Variants in RALGAPA2 observed in about 807,000 individuals in gnomAD.
RALGAPA2 encodes the protein ral GTPase-activating protein subunit alpha-2.
RALGAPA2 carries 139 observed loss-of-function variants against 230.4 expected under a neutral mutation model. The ratio of observed to expected loss-of-function variants is 0.60; its 90% CI spans 0.53 to 0.69. The LOEUF (loss-of-function observed/expected upper bound fraction) is 0.69. Ranked by LOEUF, RALGAPA2 falls within the 30% of genes least tolerant of loss-of-function variation. The pLI, the probability that RALGAPA2 is intolerant of heterozygous loss-of-function variation, is 0.00. For synonymous variants in RALGAPA2, 847 were observed against 837.8 expected, an observed-to-expected ratio of 1.01 and a Z score of -0.19; for missense variants, 2,163 against 2,276.0, an observed-to-expected ratio of 0.95 and a Z score of 1.01.
At chr20:20,465,325 G>C (rs1001114049) in intron 37 of RALGAPA2, among the ~76,000 whole-genome samples, 8 of 152,194 alleles carry the variant, frequency 5.3e-5, no homozygotes, top group African/African-American at 1.7e-4. Flanking sequence ...GAGTGAGTCA[G>C]AGCAGAGACG....
rs2068313099 is a variant in RALGAPA2 at position 20,676,105 on chromosome 20, G to A, written c.270+131C>T. 8 of 598,472 alleles carry A rather than the reference G, an allele frequency of 1.3e-5. 1 individual carries two copies. In the South Asian group the frequency reaches 2.2e-4, roughly 17 times the overall value. The allele number at this position is 598,472 out of a possible 1,614,324, so 37.1% of individuals were successfully genotyped here. ...AGTTTGTAAAAGTGGGAGGGTGGGA[G>A]GAAGGAAGGAAAGAAAAAAATATAT... On this transcript the variant is annotated intron_variant, in intron 3 of 39. Coordinates refer to ENST00000202677, the MANE Select transcript of RALGAPA2 (RefSeq NM_020343.4).
At chr20:20,516,425 C>T (rs550116141) in intron 31 of RALGAPA2, among the ~76,000 whole-genome samples, 1 of 152,246 alleles carries the variant, frequency 6.6e-6, no homozygotes, top group African/African-American at 2.4e-5. Flanking sequence ...CTAGCTGATG[C>T]AGCCCACTAC....
intron 38 of RALGAPA2, among the ~76,000 whole-genome samples, chr20:20,402,224 G>A (rs916722584): frequency 2.6e-5 from 4 of 152,222 alleles, no homozygotes; most frequent in African/African-American, 4.8e-5. Context: ...CCCATGGGAG[G>A]GGGGACTCTG....
intron 3 of RALGAPA2, among the ~76,000 whole-genome samples, chr20:20,669,135 C>T (rs562445901): frequency 2.6e-5 from 4 of 152,294 alleles, no homozygotes; most frequent in South Asian, 2.1e-4. Flanking sequence ...AACATGTTTA[C>T]GTTTTGAAAT....
At chr20:20,614,770 G>A (rs528605590) in intron 13 of RALGAPA2, among the ~76,000 whole-genome samples, 10 of 152,226 alleles carry the variant, frequency 6.6e-5, no homozygotes, top group East Asian at 3.9e-4. Flanking sequence ...GACCTGCCTC[G>A]TGTCCATGGT....
rs60906434 is a variant in RALGAPA2 at position 20,653,195 on chromosome 20, C to CAAAAAAAAAAA, written c.328+324_328+334dup. ...TAGGCGACAGAGCAAGACTCCATCTCAAAAAAAAAAAAAAAAAAAAAAAAA... is the reference window on the plus strand; with the variant it reads ...TAGGCGACAGAGCAAGACTCCATCTCAAAAAAAAAAAAAAAAAAAAAAAAAAAAAAAAAAAA... On this transcript the variant is annotated intron_variant, in intron 4 of 39. Coordinates refer to ENST00000202677, the MANE Select transcript of RALGAPA2 (RefSeq NM_020343.4). 7.3e-4 allele frequency among the ~76,000 whole-genome samples: 20 copies of CAAAAAAAAAAA among 27,528 alleles called. 1 individual carries two copies. Among genetic ancestry groups the CAAAAAAAAAAA allele is most frequent in the East Asian group, 3.9e-3 (3 of 760 alleles). 18.1% of individuals were successfully genotyped at this position (27,528 alleles called of 152,430 possible). A position where few individuals can be genotyped will look rare whatever the true frequency, so the allele number is the denominator to read the frequency against.
intron 37 of RALGAPA2, among the ~76,000 whole-genome samples, chr20:20,469,586 C>T (rs898231336): frequency 1.3e-5 from 2 of 152,260 alleles, no homozygotes; most frequent in East Asian, 1.9e-4. Context: ...TTGAAGTGGA[C>T]GTTTATTTTA....
At chr20:20,568,987 T>G (rs6132317) in intron 23 of RALGAPA2, among the ~76,000 whole-genome samples, 1 of 152,188 alleles carries the variant, frequency 6.6e-6, no homozygotes, top group Non-Finnish European at 1.5e-5. Flanking sequence ...TCTCACAAAA[T>G]AGAAAGAAGC....
intron 26 of RALGAPA2, among the ~76,000 whole-genome samples, chr20:20,532,912 G>A (rs569897365): frequency 4.6e-5 from 7 of 152,148 alleles, no homozygotes; most frequent in African/African-American, 1.7e-4. Flanking sequence ...AAAGAGTAAC[G>A]AGAGACTAGC....
intron 37 of RALGAPA2, among the ~76,000 whole-genome samples, chr20:20,461,832 G>A (rs890567859): frequency 5.3e-5 from 8 of 152,164 alleles, no homozygotes; most frequent in South Asian, 2.1e-4. Context: ...CCTCAAAGCC[G>A]GGATGCACTG....
chr20:20,538,786 A>G (rs1348450484), intron 24 of RALGAPA2, among the ~76,000 whole-genome samples: 1 of 152,082 alleles, frequency 6.6e-6, no homozygotes, highest in Non-Finnish European at 1.5e-5. Flanking sequence ...GAGAGAGAGA[A>G]GTGATGACAG....
In RALGAPA2 at chr20:20,606,655, T is replaced by C. The variant is rs150191151; in HGVS notation, c.1801-1243A>G. On this transcript the variant is annotated intron_variant, in intron 14 of 39. Transcript: ENST00000202677. ...ATCTCCCCACCACCACCTCCCAGCC[T>C]CCAGGAAGTGTCCTCCAGGTCCCTG... Among the ~76,000 whole-genome samples, 1,086 of 152,130 alleles carry C rather than the reference T, an allele frequency of 7.1e-3. 9 individuals are homozygous for C. The highest frequency in any genetic ancestry group is 0.025 in the African/African-American group (1,042 of 41,498).
At chr20:20,659,821 C>A in intron 3 of RALGAPA2, 1 of 798,288 alleles carries the variant, frequency 1.3e-6, no homozygotes, top group South Asian at 1.3e-5. Flanking sequence ...AGACAAGAAT[C>A]AGAGCAGCAG....
At position 20,557,502 on chromosome 20, in the gene RALGAPA2, G is replaced by A. The variant is rs540017849; in HGVS notation, c.3157-10670C>T. On this transcript the variant is annotated intron_variant, in intron 23 of 39. Coordinates refer to ENST00000202677, the MANE Select transcript of RALGAPA2 (RefSeq NM_020343.4). ...ATCTACTAGAAATATATTCTTCTTA[G>A]AATATTAAAAAGAAACACTTGAGTG... is the stretch of plus-strand genomic sequence containing the variant. 5.3e-5 allele frequency among the ~76,000 whole-genome samples: 8 copies of A among 152,196 alleles called. No individual in the cohort carries two copies. The South Asian group carries it at 1.7e-3, about 32-fold the overall frequency.
At chr20:20,463,443 G>C (rs2061347345) in intron 37 of RALGAPA2, among the ~76,000 whole-genome samples, 1 of 152,052 alleles carries the variant, frequency 6.6e-6, no homozygotes, top group Admixed American at 6.5e-5. Context: ...GGAGCCGTGT[G>C]ATATAAGTAT....
intron 8 of RALGAPA2, among the ~76,000 whole-genome samples, chr20:20,636,179 CT>C (rs535906106): frequency 4.5e-4 from 68 of 152,132 alleles, no homozygotes; most frequent in African/African-American, 1.6e-3. Flanking sequence ...CAAATGCTAC[CT>C]TTTCCAAAGA....
At chr20:20,702,052 A>G (rs1051443945) in intron 1 of RALGAPA2, among the ~76,000 whole-genome samples, 26 of 152,064 alleles carry the variant, frequency 1.7e-4, no homozygotes, top group Non-Finnish European at 1.2e-4. Context: ...TAAAAAAAAA[A>G]AAAGAAAGAA....
At chr20:20,589,536 T>C (rs1602964731) in intron 17 of RALGAPA2, among the ~76,000 whole-genome samples, 171 bp from the exon 18 acceptor site, 2 of 152,292 alleles carry the variant, frequency 1.3e-5, no homozygotes, top group Non-Finnish European at 1.5e-5. Context: ...GTCCACACTT[T>C]AGACCTGGTC....
chr20:20,393,338 A>G, intron 39 of RALGAPA2, 85 bp from the exon 40 acceptor site: 1 of 1,077,242 alleles, frequency 9.3e-7, no homozygotes. Flanking sequence ...TGTGGCACTC[A>G]GAAGGGAGGG....
Sources: gnomAD v4.1 joint callset for allele counts (sites outside exome capture counted in the v4.1 genomes callset) on GRCh38, gnomAD v4.1.1 for gene constraint, MANE v1.5 for transcripts, NCBI Gene and HGNC (gene_info 2026-07-23, HGNC 2026-07-21) for gene names.